KCNIP4: variants seen among roughly 807,000 people sequenced by gnomAD.
The protein encoded by KCNIP4 is potassium voltage-gated channel interacting protein 4.
KCNIP4 carries 12 observed loss-of-function variants against 34.0 expected under a neutral mutation model. That is an observed-to-expected ratio of 0.35 (90% confidence interval 0.23 to 0.57). The LOEUF (loss-of-function observed/expected upper bound fraction) is 0.57, where lower values mean the gene tolerates loss of function less well. Among genes scored for constraint, KCNIP4 ranks in the 20% least tolerant of loss-of-function variants. The pLI is 0.83. For synonymous variants in KCNIP4, 124 were observed against 102.2 expected, an observed-to-expected ratio of 1.21 and a Z score of -1.29; for missense variants, 238 against 311.7, an observed-to-expected ratio of 0.76 and a Z score of 1.78.
intron 1 of KCNIP4, among the ~76,000 whole-genome samples, chr4:21,069,251 T>G (rs1326626256): frequency 2.6e-5 from 4 of 152,140 alleles, no homozygotes; most frequent in African/African-American, 9.7e-5. Context: ...CGTGTGCTGC[T>G]TTGAAGTCTC....
chr4:21,403,528 C>T (rs1723715952), intron 1 of KCNIP4, among the ~76,000 whole-genome samples: 2 of 152,126 alleles, frequency 1.3e-5, no homozygotes, highest in South Asian at 4.1e-4. Flanking sequence ...TAACCTCATT[C>T]CTCCACTTTT....
chr4:21,108,185 C>G (rs1234164141), intron 1 of KCNIP4, among the ~76,000 whole-genome samples: 1 of 151,314 alleles, frequency 6.6e-6, no homozygotes, highest in African/African-American at 2.5e-5. Context: ...GGATAATATC[C>G]TGCAGAGTGT....
At chr4:21,147,939 CAA>C (rs377562727) in intron 1 of KCNIP4, among the ~76,000 whole-genome samples, 19 of 31,020 alleles carry the variant, frequency 6.1e-4, no homozygotes, top group East Asian at 2.9e-3. Context: ...AACTCCGTCT[CAA>C]AAAAAAAAAA....
intron 1 of KCNIP4, among the ~76,000 whole-genome samples, chr4:21,521,104 C>G (rs968547063): frequency 2.0e-5 from 3 of 152,108 alleles, no homozygotes; most frequent in Non-Finnish European, 4.4e-5. Flanking sequence ...CTACACCCAG[C>G]TTTGAAACAC....
At chr4:20,790,778 G>A (rs1239691703) in intron 3 of KCNIP4, among the ~76,000 whole-genome samples, 1 of 152,150 alleles carries the variant, frequency 6.6e-6, no homozygotes, top group Non-Finnish European at 1.5e-5. Context: ...ATGGTCACCT[G>A]CAGTAAGTTG....
intron 1 of KCNIP4, among the ~76,000 whole-genome samples, chr4:21,931,146 A>C (rs1392051175): frequency 6.6e-6 from 1 of 152,098 alleles, no homozygotes; most frequent in Non-Finnish European, 1.5e-5. Flanking sequence ...TTATAGAACA[A>C]CATCTCTAAC....
intron 1 of KCNIP4, among the ~76,000 whole-genome samples, chr4:21,607,226 C>T (rs576837054): frequency 2.4e-4 from 36 of 152,184 alleles, no homozygotes; most frequent in South Asian, 1.2e-3. Flanking sequence ...AGTCTCTCCA[C>T]GCCTCAGTTT....
intron 1 of KCNIP4, among the ~76,000 whole-genome samples, chr4:21,872,269 GCCC>G (rs1725863838): frequency 6.6e-6 from 1 of 151,984 alleles, no homozygotes; most frequent in African/African-American, 2.4e-5. Flanking sequence ...TTTCTCACAG[GCCC>G]CCTGAGAAAC....
chr4:21,897,533 G>A (rs10000738), intron 1 of KCNIP4, among the ~76,000 whole-genome samples: 8,728 of 152,154 alleles, frequency 0.057, 855 homozygotes, highest in African/African-American at 0.2. Context: ...TAAGTGCTAG[G>A]CAACATGCCA....
chr4:21,174,117 T>C (rs540692182), intron 1 of KCNIP4, among the ~76,000 whole-genome samples: 10 of 152,304 alleles, frequency 6.6e-5, no homozygotes, highest in African/African-American at 2.4e-4. Context: ...GTGGCTCTGT[T>C]GTCCAGACAA....
intron 1 of KCNIP4, among the ~76,000 whole-genome samples, chr4:21,494,120 C>T (rs551191338): frequency 2.0e-5 from 3 of 152,274 alleles, no homozygotes; most frequent in African/African-American, 7.2e-5. Context: ...GGTCATCAAA[C>T]ACCTTGTCAG....
chr4:20,872,592 T>A (rs1000048954), intron 2 of KCNIP4, among the ~76,000 whole-genome samples: 1 of 152,166 alleles, frequency 6.6e-6, no homozygotes, highest in Non-Finnish European at 1.5e-5. Context: ...CATGTTTAGC[T>A]CAAATATTAC....
intron 1 of KCNIP4, among the ~76,000 whole-genome samples, chr4:21,705,414 T>C (rs375472702): frequency 1.3e-5 from 2 of 152,164 alleles, no homozygotes; most frequent in Non-Finnish European, 2.9e-5. Context: ...TATAATTCCA[T>C]GCTAATCTAC....
chr4:21,566,591 A>T (rs1739909293), intron 1 of KCNIP4, among the ~76,000 whole-genome samples: 1 of 152,142 alleles, frequency 6.6e-6, no homozygotes, highest in Non-Finnish European at 1.5e-5. Context: ...AGTTTATGGA[A>T]CTGTCAGCCA....
chr4:21,349,948 C>T (rs975698579), intron 1 of KCNIP4, among the ~76,000 whole-genome samples: 2 of 152,166 alleles, frequency 1.3e-5, no homozygotes, highest in Non-Finnish European at 2.9e-5. Flanking sequence ...TGGAGTTTCT[C>T]ATCTAGAAAA....
intron 1 of KCNIP4, among the ~76,000 whole-genome samples, chr4:21,384,362 G>C (rs1459306850): frequency 1.3e-5 from 2 of 152,118 alleles, no homozygotes; most frequent in Non-Finnish European, 2.9e-5. Flanking sequence ...AAATCAAAGT[G>C]ACTGGAACAC....
chr4:21,582,022 AGAATAGAATG>A (rs1560534491), intron 1 of KCNIP4: 55 of 91,658 alleles, frequency 6.0e-4, no homozygotes, highest in African/African-American at 1.4e-3. Flanking sequence ...AGAATAGAAT[AGAATAGAATG>A]GAATGGAATG....
intron 1 of KCNIP4, among the ~76,000 whole-genome samples, chr4:21,139,569 T>C (rs1751777804): frequency 6.6e-6 from 1 of 152,192 alleles, no homozygotes; most frequent in South Asian, 2.1e-4. Flanking sequence ...CTTGCTGTGA[T>C]CACACCCTTC....
intron 1 of KCNIP4, among the ~76,000 whole-genome samples, chr4:21,281,087 C>CTTT (rs375309491): frequency 3.0e-5 from 4 of 133,196 alleles, no homozygotes; most frequent in Non-Finnish European, 3.2e-5. Flanking sequence ...ACATTTTCTT[C>CTTT]TTTTTTTTTT....
Sources: gnomAD v4.1 joint callset for allele counts (sites outside exome capture counted in the v4.1 genomes callset) on GRCh38, gnomAD v4.1.1 for gene constraint, MANE v1.5 for transcripts, NCBI Gene and HGNC (gene_info 2026-07-23, HGNC 2026-07-21) for gene names.